SRD5A1: variants seen among roughly 807,000 people sequenced by gnomAD.
The protein encoded by SRD5A1 is steroid 5 alpha-reductase 1, also known as 3-oxo-5-alpha-steroid 4-dehydrogenase 1.
SRD5A1 carries 22 observed loss-of-function variants against 28.2 expected under a neutral mutation model. The observed-to-expected ratio is 0.78, with a 90% CI of 0.56 to 1.12. SRD5A1 has a LOEUF of 1.12. SRD5A1 is among the 50% of genes most tolerant of loss of function. The pLI is 0.00. For missense variants in SRD5A1, 300 were observed against 346.7 expected (o/e 0.87, Z 1.07); for synonymous variants, 151 against 135.0 (o/e 1.12, Z -0.82).
rs1006967488 is a variant in SRD5A1, at chr5:6,669,386, T to C, written c.*1118T>C. The C allele has an allele frequency of 6.6e-5, 10 of 152,236 alleles. No homozygotes were observed. The highest frequency in any genetic ancestry group is 2.4e-4 in the African/African-American group (10 of 41,458). 9.4% of individuals were successfully genotyped at this position (152,236 alleles called of 1,614,324 possible). On this transcript the variant is annotated 3_prime_UTR_variant, in exon 5 of 5. Coordinates refer to ENST00000274192, the MANE Select transcript of SRD5A1 (RefSeq NM_001047.4). ...TGTACCTGTTATCAATATAAAATAATCTTCCTGTTGAATGCTTCATGACTT... is the reference window on the plus strand; with the variant it reads ...TGTACCTGTTATCAATATAAAATAACCTTCCTGTTGAATGCTTCATGACTT...
intron 1 of SRD5A1, among the ~76,000 whole-genome samples, chr5:6,648,232 T>G (rs993115019): frequency 6.6e-6 from 1 of 151,936 alleles, no homozygotes; most frequent in Non-Finnish European, 1.5e-5. Flanking sequence ...ATTTCAACCT[T>G]GGTGAATCTG....
intron 1 of SRD5A1, among the ~76,000 whole-genome samples, chr5:6,649,840 G>A (rs912747328): frequency 7.9e-5 from 12 of 152,096 alleles, no homozygotes; most frequent in Admixed American, 2.6e-4. Flanking sequence ...CTTCTGTGTC[G>A]ATCTCGCTGG....
intron 4 of SRD5A1, among the ~76,000 whole-genome samples, chr5:6,665,028 G>A (rs1422598241): frequency 6.6e-6 from 1 of 152,258 alleles, no homozygotes; most frequent in Non-Finnish European, 1.5e-5. Flanking sequence ...TCATATGAGA[G>A]TCCTAAGCCC....
chr5:6,665,704 C>T (rs770241664), intron 4 of SRD5A1, among the ~76,000 whole-genome samples: 6 of 151,910 alleles, frequency 3.9e-5, no homozygotes, highest in Non-Finnish European at 1.5e-5. Flanking sequence ...TAAAAAAACA[C>T]GGATCAGAGT....
At chr5:6,641,576 G>A (rs1579396313) in intron 1 of SRD5A1, among the ~76,000 whole-genome samples, 1 of 152,280 alleles carries the variant, frequency 6.6e-6, no homozygotes, top group East Asian at 1.9e-4. Context: ...TGACTTCAGC[G>A]GTTTTATGAC....
chr5:6,656,038 G>A (rs768938574), intron 2 of SRD5A1, 40 bp from the exon 3 acceptor site: 1 of 1,519,960 alleles, frequency 6.6e-7, no homozygotes, highest in South Asian at 1.1e-5. Context: ...AAATTTTACG[G>A]TTTATTAGCC....
chr5:6,633,964 C>T (rs1239626363), intron 1 of SRD5A1, 95 bp downstream of exon 1: 3 of 1,377,148 alleles, frequency 2.2e-6, no homozygotes, highest in Non-Finnish European at 2.0e-6. Context: ...CCCGAAGCCT[C>T]CCCCACCCAG....
At chr5:6,664,606 A>G (rs1481552621) in intron 4 of SRD5A1, among the ~76,000 whole-genome samples, 3 of 152,142 alleles carry the variant, frequency 2.0e-5, no homozygotes, top group Non-Finnish European at 2.9e-5. Context: ...TGGTCTCACT[A>G]TATTGCCCAA....
chr5:6,660,918 A>G (rs938759360), intron 3 of SRD5A1, among the ~76,000 whole-genome samples: 3 of 152,134 alleles, frequency 2.0e-5, no homozygotes, highest in Admixed American at 1.3e-4. Context: ...CAGGAGAGAG[A>G]GCGAGTGAAG....
At chr5:6,652,816 G>A (rs1738716801) in intron 2 of SRD5A1, among the ~76,000 whole-genome samples, 1 of 146,690 alleles carries the variant, frequency 6.8e-6, no homozygotes, top group South Asian at 2.2e-4. Context: ...CAAGGCTGCA[G>A]TAAGCCATGA....
rs376475235 is a variant in SRD5A1, at chr5:6,662,904, A to G, written c.651A>G (p.Gln217=). Residue 217 remains glutamine, a synonymous_variant, in exon 4 of 5, where the codon CAA becomes CAG. Coordinates refer to ENST00000274192, the MANE Select transcript of SRD5A1 (RefSeq NM_001047.4). The part of the protein sequence containing the change: ...CGYALASWSV[Q]GAAFAFFTFC... Reference sequence around the variant, plus strand: ...ATGCCCTGGCCAGCTGGTCTGTCCAAGGCGCGGCTTTTGCTTTCTTCACGT... The same window carrying G: ...ATGCCCTGGCCAGCTGGTCTGTCCAGGGCGCGGCTTTTGCTTTCTTCACGT... 1.7e-5 allele frequency: 28 copies of G among 1,613,824 alleles called. No homozygotes were observed. In the African/African-American group the frequency reaches 2.5e-4, roughly 15 times the overall value.
intron 3 of SRD5A1, among the ~76,000 whole-genome samples, chr5:6,658,355 A>T (rs1250336412): frequency 6.6e-6 from 1 of 152,164 alleles, no homozygotes; most frequent in Non-Finnish European, 1.5e-5. Flanking sequence ...ATGTGAATGG[A>T]GCAGTTGCAG....
intron 4 of SRD5A1, among the ~76,000 whole-genome samples, chr5:6,665,879 A>T (rs1053779066): frequency 4.6e-5 from 7 of 152,210 alleles, no homozygotes; most frequent in Admixed American, 1.3e-4. Flanking sequence ...ACCCAAAGAT[A>T]GTCTTTGCAG....
At chr5:6,663,138 A>C (rs1298688973) in intron 4 of SRD5A1, among the ~76,000 whole-genome samples, 172 bp downstream of exon 4, 1 of 152,222 alleles carries the variant, frequency 6.6e-6, no homozygotes, top group Non-Finnish European at 1.5e-5. Flanking sequence ...AGCTCTAGGG[A>C]ATAATCAGGT....
intron 1 of SRD5A1, among the ~76,000 whole-genome samples, chr5:6,635,368 T>C (rs1244680791): frequency 6.6e-6 from 1 of 152,220 alleles, no homozygotes; most frequent in Non-Finnish European, 1.5e-5. Flanking sequence ...TAGTCAGACT[T>C]TGCTGTTTGT....
intron 3 of SRD5A1, among the ~76,000 whole-genome samples, chr5:6,656,511 C>T (rs1738840091): frequency 6.6e-6 from 1 of 152,188 alleles, no homozygotes; most frequent in Non-Finnish European, 1.5e-5. Context: ...TTTGACCCTC[C>T]TCTGAAAACA....
chr5:6,651,120 G>A lies in SRD5A1; in HGVS notation c.294-722G>A, dbSNP rs538390444. Among the ~76,000 whole-genome samples, 382 of 152,236 alleles carry A rather than the reference G, an allele frequency of 2.5e-3. 3 individuals carry two copies. The highest frequency in any genetic ancestry group is 4.2e-3 in the Non-Finnish European group (284 of 68,024). ...GGGGGAATTGGGGGTGGGGCTAGCA[G>A]GTGAAAGTGCTCAGTGAATGGAAGC... On this transcript the variant is annotated intron_variant, in intron 1 of 4. Coordinates refer to ENST00000274192, the MANE Select transcript of SRD5A1 (RefSeq NM_001047.4).
At chr5:6,644,498 C>T (rs953293925) in intron 1 of SRD5A1, among the ~76,000 whole-genome samples, 5 of 152,182 alleles carry the variant, frequency 3.3e-5, no homozygotes, top group Non-Finnish European at 7.3e-5. Context: ...TCAACTTTCT[C>T]ATACCGGTGT....
At position 6,673,020 on chromosome 5, in the gene SRD5A1, C is replaced by T. The variant is rs886431573; in HGVS notation, c.*4752C>T. On this transcript the variant is annotated 3_prime_UTR_variant, in exon 5 of 5. Coordinates refer to ENST00000274192, the MANE Select transcript of SRD5A1 (RefSeq NM_001047.4). ...CCACTGCAAAGCAGCAAAATCTGCT[C>T]TCAAAGGCTTCACGTAGCCGGGAAA... is the stretch of plus-strand genomic sequence containing the variant. The T allele has an allele frequency of 1.3e-5, 2 of 152,288 alleles. No individual in the cohort carries two copies. Among genetic ancestry groups the T allele is most frequent in the East Asian group, 3.9e-4 (2 of 5,172 alleles). 9.4% of individuals were successfully genotyped at this position (152,288 alleles called of 1,614,324 possible).
Sources: gnomAD v4.1 joint callset for allele counts (sites outside exome capture counted in the v4.1 genomes callset) on GRCh38, gnomAD v4.1.1 for gene constraint, MANE v1.5 for transcripts, NCBI Gene and HGNC (gene_info 2026-07-23, HGNC 2026-07-21) for gene names.